Variants in STAG1 observed in about 807,000 individuals in gnomAD.
The protein encoded by STAG1 is cohesin subunit SA-1.
Under a neutral mutation model 170.9 loss-of-function variants are expected in STAG1, and 26 were observed. The observed-to-expected ratio is 0.15, with a 90% CI of 0.11 to 0.21. The LOEUF is 0.21. Ranked by LOEUF, STAG1 falls within the 10% of genes least tolerant of loss-of-function variation. The pLI is 1.00. For synonymous variants in STAG1, 514 were observed against 497.7 expected, an observed-to-expected ratio of 1.03 and a Z score of -0.44; for missense variants, 964 against 1,509.5, an observed-to-expected ratio of 0.64 and a Z score of 5.99.
intron 13 of STAG1, among the ~76,000 whole-genome samples, chr3:136,454,171 T>C (rs2089034414): frequency 6.6e-6 from 1 of 152,126 alleles, no homozygotes. Flanking sequence ...CTCCGCCTCC[T>C]AGATTCAAGC....
intron 1 of STAG1, among the ~76,000 whole-genome samples, chr3:136,732,899 C>A (rs1014096597): frequency 6.6e-6 from 1 of 151,802 alleles, no homozygotes. Context: ...TGAGCCACCA[C>A]GCTCGGCCTC....
At chr3:136,485,271 C>G (rs1376192223) in intron 9 of STAG1, among the ~76,000 whole-genome samples, 1 of 152,086 alleles carries the variant, frequency 6.6e-6, no homozygotes, top group Non-Finnish European at 1.5e-5. Flanking sequence ...TCCTGGCAAA[C>G]ATGGTGAAAC....
chr3:136,521,207 A>C lies in STAG1; in HGVS notation c.676+6T>G. ...ATGAAAAGGAAATAAAATGTTAATTACTTACCAGCCAGGGTACTTGTATGC... is the reference window on the plus strand; with the variant it reads ...ATGAAAAGGAAATAAAATGTTAATTCCTTACCAGCCAGGGTACTTGTATGC... On this transcript the variant is annotated splice_donor_region_variant and intron_variant, in intron 7 of 33. Transcript: ENST00000383202. The C allele has an allele frequency of 6.2e-7, 1 of 1,609,868 alleles. No homozygotes were observed. The highest frequency in any genetic ancestry group is 8.5e-7 in the Non-Finnish European group (1 of 1,176,610).
intron 1 of STAG1, among the ~76,000 whole-genome samples, chr3:136,644,691 G>A (rs1940933501): frequency 6.6e-6 from 1 of 151,900 alleles, no homozygotes; most frequent in South Asian, 2.1e-4. Context: ...CAAACATGCA[G>A]TATTTCTGTC....
At chr3:136,535,955 G>A (rs1935600538) in intron 6 of STAG1, among the ~76,000 whole-genome samples, 1 of 152,092 alleles carries the variant, frequency 6.6e-6, no homozygotes, top group Non-Finnish European at 1.5e-5. Context: ...AAATATAAAT[G>A]TGATTTATGT....
chr3:136,452,236 C>A, intron 13 of STAG1, 89 bp from the exon 14 acceptor site: 1 of 804,112 alleles, frequency 1.2e-6, no homozygotes, highest in Non-Finnish European at 2.1e-6. Flanking sequence ...TGTTTAACAA[C>A]AACAACAACA....
intron 29 of STAG1, among the ~76,000 whole-genome samples, chr3:136,346,343 A>C (rs1238545196): frequency 6.6e-6 from 1 of 152,248 alleles, no homozygotes; most frequent in East Asian, 1.9e-4. Flanking sequence ...GATACTTCTA[A>C]TCCTTTAAAG....
intron 12 of STAG1, among the ~76,000 whole-genome samples, chr3:136,468,713 T>G (rs943442840): frequency 1.5e-4 from 23 of 152,190 alleles, no homozygotes; most frequent in Non-Finnish European, 2.8e-4. Context: ...ATATCCCTGA[T>G]GAACATTCAC....
Position 136,402,015 on chromosome 3 carries a change from A to G in STAG1, c.2197-3186T>C, listed in dbSNP as rs181112393. ...CGCCTCGACCTCCCAAAGTGCTGGG[A>G]TTACAGGTGTGAGCCACCGCGCCCA... On this transcript the variant is annotated intron_variant, in intron 21 of 33. Transcript: ENST00000383202. 2.6e-3 allele frequency among the ~76,000 whole-genome samples: 403 copies of G among 152,132 alleles called. 2 individuals carry two copies. The highest frequency in any genetic ancestry group is 9.2e-3 in the African/African-American group (382 of 41,514).
intron 5 of STAG1, among the ~76,000 whole-genome samples, chr3:136,551,210 A>AGT (rs1559874275): frequency 1.7e-4 from 4 of 24,142 alleles, no homozygotes; most frequent in Admixed American, 6.1e-4. Context: ...AGAGAGAGTG[A>AGT]GAGAGAGAGA....
At chr3:136,414,084 G>A (rs1233019414) in intron 21 of STAG1, among the ~76,000 whole-genome samples, 1 of 152,200 alleles carries the variant, frequency 6.6e-6, no homozygotes, top group African/African-American at 2.4e-5. Flanking sequence ...CAGTGGTGGA[G>A]GGTCTTGCTT....
chr3:136,377,334 C>A (rs1361221712), intron 23 of STAG1, among the ~76,000 whole-genome samples: 2 of 130,034 alleles, frequency 1.5e-5, no homozygotes, highest in Non-Finnish European at 3.2e-5. Context: ...TTGCAGTGAG[C>A]CGAGATTGCG....
chr3:136,681,179 A>G (rs1942321837), intron 1 of STAG1, among the ~76,000 whole-genome samples: 1 of 152,188 alleles, frequency 6.6e-6, no homozygotes, highest in Non-Finnish European at 1.5e-5. Context: ...TATAGAACCC[A>G]TGTACGAAGT....
intron 10 of STAG1, among the ~76,000 whole-genome samples, chr3:136,474,625 T>C (rs1203819269): frequency 6.6e-6 from 1 of 152,202 alleles, no homozygotes; most frequent in African/African-American, 2.4e-5. Context: ...ATCACTCTTT[T>C]GTAAGCTGAT....
At chr3:136,521,796 T>C (rs964930410) in intron 6 of STAG1, among the ~76,000 whole-genome samples, 1 of 152,228 alleles carries the variant, frequency 6.6e-6, no homozygotes, top group Non-Finnish European at 1.5e-5. Context: ...GCTATCATGA[T>C]ACCTGTGTCA....
At position 136,710,682 on chromosome 3, in the gene STAG1, A is replaced by T. The variant is rs866420185; in HGVS notation, c.-84+41513T>A. Among the ~76,000 whole-genome samples the T allele has an allele frequency of 3.3e-5, 5 of 152,212 alleles. No individual in the cohort carries two copies. In the South Asian group the frequency reaches 1.0e-3, roughly 32 times the overall value. ...ACCCAAAATAAAGTTTGCCAAGAAGAAAAATCTAAAACTTAAAAATAGTAA... is the reference window on the plus strand; with the variant it reads ...ACCCAAAATAAAGTTTGCCAAGAAGTAAAATCTAAAACTTAAAAATAGTAA... On this transcript the variant is annotated intron_variant, in intron 1 of 33. Transcript: ENST00000383202.
At chr3:136,470,803 C>T (rs2089606452) in intron 12 of STAG1, among the ~76,000 whole-genome samples, 1 of 152,064 alleles carries the variant, frequency 6.6e-6, no homozygotes, top group Non-Finnish European at 1.5e-5. Context: ...AGTATGCAGC[C>T]ATAAAAAGGA....
chr3:136,680,711 T>A (rs1397556777), intron 1 of STAG1, among the ~76,000 whole-genome samples: 2 of 151,554 alleles, frequency 1.3e-5, no homozygotes, highest in African/African-American at 4.8e-5. Context: ...CACTTACACA[T>A]AACAAGATAA....
At chr3:136,688,527 G>A (rs1338293254) in intron 1 of STAG1, among the ~76,000 whole-genome samples, 1 of 151,978 alleles carries the variant, frequency 6.6e-6, no homozygotes, top group African/African-American at 2.4e-5. Context: ...ATCTAGCTGC[G>A]ATTACAGGCG....
Sources: allele counts gnomAD v4.1 joint callset (sites outside exome capture counted in the v4.1 genomes callset), GRCh38; gene constraint gnomAD v4.1.1; transcripts MANE v1.5; gene names NCBI Gene and HGNC (gene_info 2026-07-23, HGNC 2026-07-21).